The following DENND1A variants were observed in gnomAD, a reference collection of about 807,000 sequenced individuals.
DENND1A encodes the protein DENN domain-containing protein 1A.
DENND1A carries 51 observed loss-of-function variants against 113.7 expected under a neutral mutation model. The observed-to-expected ratio is 0.45, with a 90% CI of 0.36 to 0.57. DENND1A has a LOEUF of 0.57. DENND1A is among the 20% of genes least tolerant of loss of function. DENND1A has a pLI of 0.00. For synonymous variants in DENND1A, 565 were observed against 570.8 expected (o/e 0.99, Z 0.14); for missense variants, 1,258 against 1,395.9 (o/e 0.90, Z 1.57).
intron 19 of DENND1A, among the ~76,000 whole-genome samples, chr9:123,435,130 G>C (rs1425300678): frequency 6.9e-6 from 1 of 145,658 alleles, no homozygotes; most frequent in Non-Finnish European, 1.5e-5. Flanking sequence ...GGGGTGTGCA[G>C]TATCCTGAGA....
intron 2 of DENND1A, among the ~76,000 whole-genome samples, chr9:123,810,212 T>C (rs1836315777): frequency 6.6e-6 from 1 of 152,110 alleles, no homozygotes; most frequent in South Asian, 2.1e-4. Context: ...CATCATCTCA[T>C]GTTTTGGCCT....
chr9:123,715,188 AT>A (rs1367266311), intron 5 of DENND1A, among the ~76,000 whole-genome samples: 3 of 141,340 alleles, frequency 2.1e-5, no homozygotes, highest in Admixed American at 7.0e-5. Flanking sequence ...TCCAAAAAAA[AT>A]AATAATAATA....
At chr9:123,652,342 A>T (rs1313204462) in intron 8 of DENND1A, 2 of 472,038 alleles carry the variant, frequency 4.2e-6, no homozygotes, top group Non-Finnish European at 7.7e-6. Context: ...GAGCAATTAC[A>T]TCTTTGTGTG....
At chr9:123,683,957 A>G (rs2064639041) in intron 5 of DENND1A, among the ~76,000 whole-genome samples, 1 of 152,216 alleles carries the variant, frequency 6.6e-6, no homozygotes, top group South Asian at 2.1e-4. Flanking sequence ...GGTTTGGAAA[A>G]TGACCTGGTT....
intron 11 of DENND1A, among the ~76,000 whole-genome samples, chr9:123,607,321 T>C (rs2060198291): frequency 1.3e-5 from 2 of 150,736 alleles, no homozygotes; most frequent in South Asian, 4.3e-4. Context: ...GAGAGACGTT[T>C]TGGAGCTTTG....
At chr9:123,787,638 C>T (rs1832385528) in intron 3 of DENND1A, among the ~76,000 whole-genome samples, 1 of 152,132 alleles carries the variant, frequency 6.6e-6, no homozygotes, top group Admixed American at 6.5e-5. Flanking sequence ...CTCAGAAATG[C>T]CAATTTCCAT....
intron 12 of DENND1A, among the ~76,000 whole-genome samples, chr9:123,566,105 C>A (rs2058038582): frequency 6.6e-6 from 1 of 152,208 alleles, no homozygotes; most frequent in African/African-American, 2.4e-5. Flanking sequence ...AAAGTCAAGT[C>A]CAAGTCTGTC....
chr9:123,450,796 C>T (rs1165879868), intron 17 of DENND1A, 47 bp from the exon 18 acceptor site: 2 of 1,510,308 alleles, frequency 1.3e-6, no homozygotes. Context: ...CTGTTTCCAG[C>T]AGGGACTATG....
chr9:123,874,008 T>C (rs1238802401), intron 2 of DENND1A, among the ~76,000 whole-genome samples: 2 of 152,166 alleles, frequency 1.3e-5, no homozygotes, highest in Admixed American at 6.5e-5. Flanking sequence ...CTCAAAGTGC[T>C]GGGATTACAG....
At chr9:123,556,060 T>C (rs1349658564) in intron 13 of DENND1A, among the ~76,000 whole-genome samples, 3 of 152,226 alleles carry the variant, frequency 2.0e-5, no homozygotes, top group African/African-American at 7.2e-5. Flanking sequence ...GGACCCAAGA[T>C]CGTGACAAGT....
chr9:123,639,153 G>C (rs893788928), intron 9 of DENND1A, among the ~76,000 whole-genome samples: 3 of 150,680 alleles, frequency 2.0e-5, no homozygotes, highest in Non-Finnish European at 1.5e-5. Context: ...GAAAGTGACT[G>C]TAGGCCGCAG....
intron 13 of DENND1A, among the ~76,000 whole-genome samples, chr9:123,487,193 G>T (rs1286107682): frequency 1.3e-5 from 2 of 152,222 alleles, no homozygotes; most frequent in Admixed American, 6.5e-5. Flanking sequence ...CAGCCATGCT[G>T]GTAGCAAGAC....
intron 6 of DENND1A, among the ~76,000 whole-genome samples, chr9:123,676,278 A>T (rs2064071229): frequency 6.6e-6 from 1 of 152,184 alleles, no homozygotes; most frequent in Admixed American, 6.5e-5. Flanking sequence ...TGAAATGGGA[A>T]CTCAGGACAG....
rs1370020449 is a variant in DENND1A, at chr9:123,381,192, A to AC, written c.*239dup. The AC allele has an allele frequency of 1.8e-6, 1 of 557,114 alleles. No homozygotes were observed. Among genetic ancestry groups the AC allele is most frequent in the Non-Finnish European group, 3.2e-6 (1 of 311,110 alleles). 34.5% of individuals were successfully genotyped at this position (557,114 alleles called of 1,614,324 possible). Reference sequence around the variant, plus strand: ...CAATCAAGGGTGCCGAGGAGAGGCAACCGCGGGGTGGGATGGGCACTCAGG... The same window carrying AC: ...CAATCAAGGGTGCCGAGGAGAGGCAACCCGCGGGGTGGGATGGGCACTCAGG... On this transcript the variant is annotated 3_prime_UTR_variant, in exon 24 of 24. Transcript: ENST00000394215. This position sits in a 1 kb window ranked among gnomAD's most constrained non-coding sequence, Gnocchi z 4.7.
chr9:123,636,585 C>T (rs144027704), intron 9 of DENND1A, among the ~76,000 whole-genome samples: 8 of 151,654 alleles, frequency 5.3e-5, no homozygotes, highest in African/African-American at 1.9e-4. Context: ...CCAAATATTC[C>T]TCTTCTTACC....
At chr9:123,659,839 T>C (rs958369307) in intron 8 of DENND1A, among the ~76,000 whole-genome samples, 1 of 152,214 alleles carries the variant, frequency 6.6e-6, no homozygotes, top group Non-Finnish European at 1.5e-5. Flanking sequence ...AATTTAGTAA[T>C]TTTAAATTAA....
rs982363185 is a variant in DENND1A at position 123,742,357 on chromosome 9, T to C, written c.302+15346A>G. Among the ~76,000 whole-genome samples, 6 of 152,190 alleles carry C rather than the reference T, an allele frequency of 3.9e-5. No individual in the cohort carries two copies. In the East Asian group the frequency reaches 9.6e-4, roughly 24 times the overall value. ...GTGGCTAGTTTCTGGCTGAAGTCCA[T>C]GTCAACAGTTTTTAAGGTCACAGGC... On this transcript the variant is annotated intron_variant, in intron 5 of 23. Coordinates refer to ENST00000394215, the MANE Select transcript of DENND1A (RefSeq NM_001352964.2).
intron 5 of DENND1A, among the ~76,000 whole-genome samples, chr9:123,693,560 C>T (rs1589693420): frequency 6.6e-6 from 1 of 151,912 alleles, no homozygotes. Flanking sequence ...TAATACAGTA[C>T]ATAGCCTTTT....
At position 123,728,506 on chromosome 9, in the gene DENND1A, A is replaced by AAAAAAAAAAAAAAAAAAAC. The variant is rs1564150268; in HGVS notation, c.302+29196_302+29197insGTTTTTTTTTTTTTTTTTT. 1.2e-3 allele frequency among the ~76,000 whole-genome samples: 177 copies of AAAAAAAAAAAAAAAAAAAC among 145,870 alleles called. 3 individuals carry two copies. The highest frequency in any genetic ancestry group is 4.6e-3 in the African/African-American group (171 of 37,146). The stretch of plus-strand genomic sequence containing the variant: ...AAAAAAAAAAAAAAAAAAAAAAAAA[A>AAAAAAAAAAAAAAAAAAAC]AAAACAGGCATCAGTCATCTTTACC... On this transcript the variant is annotated intron_variant, in intron 5 of 23. Coordinates refer to ENST00000394215, the MANE Select transcript of DENND1A (RefSeq NM_001352964.2).
Sources: allele counts gnomAD v4.1 joint callset (sites outside exome capture counted in the v4.1 genomes callset), GRCh38; gene constraint gnomAD v4.1.1; non-coding constraint Gnocchi (gnomAD v3.1); transcripts MANE v1.5; gene names NCBI Gene and HGNC (gene_info 2026-07-23, HGNC 2026-07-21).